Variants in EFR3A observed in about 807,000 individuals in gnomAD.
EFR3A encodes protein EFR3 homolog A.
A neutral mutation model predicts 104.4 loss-of-function variants in EFR3A; 76 were observed. The ratio of observed to expected loss-of-function variants is 0.73; its 90% confidence interval spans 0.60 to 0.88. The LOEUF (loss-of-function observed/expected upper bound fraction) is 0.88. Among genes scored for constraint, EFR3A ranks in the 40% least tolerant of loss-of-function variants. The pLI is 0.00. For missense variants in EFR3A, 985 were observed against 1,012.5 expected (o/e 0.97, Z 0.37); for synonymous variants, 330 against 330.0 (o/e 1.00, Z 0.00).
Position 131,937,006 on chromosome 8 carries a change from C to T in EFR3A, c.11-3493C>T, listed in dbSNP as rs1334000774. On this transcript the variant is annotated intron_variant, in intron 1 of 22. Transcript: ENST00000254624. ...GGTTAGGGGTTGTGGCTGAAAGTCC[C>T]CATCCTCTGGTCATGCCTTGGTCTT... 2.0e-5 allele frequency among the ~76,000 whole-genome samples: 3 copies of T among 152,092 alleles called. 1 individual carries two copies. Among genetic ancestry groups the T allele is most frequent in the East Asian group, 1.9e-4 (1 of 5,172 alleles).
Position 131,970,556 on chromosome 8 carries a change from G to A in EFR3A, c.1072G>A (p.Gly358Arg). ...TGAATTCGAAGCAAATGATTTACAG[G>A]GGGGATCTGTAGGCAGTGTCAACTT... ...SVEFEANDLQGGSVGSVNLNT... is the reference protein window; with the variant it reads ...SVEFEANDLQRGSVGSVNLNT... Residue 358 changes from glycine (G) to arginine (R), a missense_variant, in exon 10 of 23, where the codon GGG becomes AGG. By Grantham distance (125) the Gly-to-Arg change is moderately radical. Coordinates refer to ENST00000254624, the MANE Select transcript of EFR3A (RefSeq NM_015137.6). 6.2e-7 allele frequency: 1 copy of A among 1,613,818 alleles called. No individual in the cohort carries two copies.
At chr8:132,010,034 A>G (rs1410991828) in intron 22 of EFR3A, among the ~76,000 whole-genome samples, 1 of 152,048 alleles carries the variant, frequency 6.6e-6, no homozygotes. Context: ...TGTAAAATGG[A>G]TACTACAAAG....
chr8:131,906,801 A>G (rs761895426), intron 1 of EFR3A, among the ~76,000 whole-genome samples: 1 of 152,226 alleles, frequency 6.6e-6, no homozygotes, highest in Non-Finnish European at 1.5e-5. Flanking sequence ...AGATTTCAAG[A>G]CTATGCTGCT....
chr8:131,939,228 T>C (rs1818048742), intron 1 of EFR3A, among the ~76,000 whole-genome samples: 1 of 152,148 alleles, frequency 6.6e-6, no homozygotes, highest in Admixed American at 6.6e-5. Flanking sequence ...CTATTTTTAC[T>C]GATGGGGAAA....
At chr8:131,996,540 C>A in intron 19 of EFR3A, 43 bp downstream of exon 19, 2 of 1,329,620 alleles carry the variant, frequency 1.5e-6, no homozygotes, top group Non-Finnish European at 2.0e-6. Context: ...TCTTGGTAGA[C>A]ATCATTTAAA....
intron 1 of EFR3A, among the ~76,000 whole-genome samples, chr8:131,909,332 C>T (rs1816400222): frequency 6.6e-6 from 1 of 152,162 alleles, no homozygotes; most frequent in African/African-American, 2.4e-5. Context: ...GAGAGGATCG[C>T]TTTTGGCTGA....
At chr8:131,949,932 A>G in intron 4 of EFR3A, 37 bp from the exon 5 acceptor site, 1 of 1,523,420 alleles carries the variant, frequency 6.6e-7, no homozygotes, top group Admixed American at 2.3e-5. Context: ...ACACTTCTGA[A>G]GAAGGTGAAG....
chr8:131,977,491 T>C (rs1820384638), intron 12 of EFR3A, among the ~76,000 whole-genome samples: 1 of 152,158 alleles, frequency 6.6e-6, no homozygotes, highest in Admixed American at 6.5e-5. Flanking sequence ...TAATTGCTTC[T>C]GATTGGGAAA....
rs370052039 is a variant in EFR3A, at chr8:131,926,295, ACTT to A, written c.11-14200_11-14198del. On this transcript the variant is annotated intron_variant, in intron 1 of 22. Coordinates refer to ENST00000254624, the MANE Select transcript of EFR3A (RefSeq NM_015137.6). ...TTTATTGTCTGTGATTTCAAATTTA[ACTT>A]CTTTGTAAACATCTGTGATGTACTA... is the stretch of plus-strand genomic sequence containing the variant. 1.1e-3 allele frequency among the ~76,000 whole-genome samples: 163 copies of A among 152,236 alleles called. No homozygotes were observed. The Middle Eastern group carries it at 0.014, about 13-fold the overall frequency.
intron 1 of EFR3A, among the ~76,000 whole-genome samples, chr8:131,909,107 C>G (rs1320420529): frequency 6.6e-6 from 1 of 152,154 alleles, no homozygotes; most frequent in African/African-American, 2.4e-5. Flanking sequence ...TATGATTTAC[C>G]TATTAACCAA....
intron 1 of EFR3A, among the ~76,000 whole-genome samples, chr8:131,915,046 A>G (rs1319200202): frequency 5.3e-5 from 8 of 152,158 alleles, no homozygotes; most frequent in Admixed American, 4.6e-4. Context: ...TTCTTCATCC[A>G]GTCTGTCATT....
intron 14 of EFR3A, among the ~76,000 whole-genome samples, chr8:131,982,511 CTGAG>C (rs1432272622): frequency 2.0e-5 from 3 of 151,992 alleles, no homozygotes; most frequent in Non-Finnish European, 4.4e-5. Context: ...AGAGGAATTG[CTGAG>C]TAATAGGTTA....
rs1030275520 is a variant in EFR3A, at chr8:132,010,974, T to A, written c.*79T>A. On this transcript the variant is annotated 3_prime_UTR_variant, in exon 23 of 23. Transcript: ENST00000254624. Reference sequence around the variant, plus strand: ...AGCTGAGCTTTCAGGGTTTACTTAATGTGTATTAACATACTTCTTGAAAAT... The same window carrying A: ...AGCTGAGCTTTCAGGGTTTACTTAAAGTGTATTAACATACTTCTTGAAAAT... The A allele has an allele frequency of 7.2e-5, 105 of 1,459,884 alleles. No individual in the cohort carries two copies. The Middle Eastern group carries it at 1.1e-3, about 15-fold the overall frequency. 90.4% of individuals were successfully genotyped at this position (1,459,884 alleles called of 1,614,324 possible).
At chr8:131,924,187 A>G in intron 1 of EFR3A, 1 of 384,382 alleles carries the variant, frequency 2.6e-6, no homozygotes, top group Non-Finnish European at 5.3e-6. Context: ...ATTTTATGCC[A>G]AAGGAATTAT....
intron 1 of EFR3A, among the ~76,000 whole-genome samples, chr8:131,915,303 G>C (rs1360749785): frequency 1.3e-5 from 2 of 152,114 alleles, no homozygotes; most frequent in Admixed American, 6.5e-5. Context: ...TGCCTCACCT[G>C]TTTTGCTCTC....
rs1326577687 is a variant in EFR3A, at chr8:132,011,845, C to T, written c.*950C>T. 1 of 152,128 alleles carries T rather than the reference C, an allele frequency of 6.6e-6. No homozygotes were observed. The highest frequency in any genetic ancestry group is 1.5e-5 in the Non-Finnish European group (1 of 68,018). The allele number at this position is 152,128 out of a possible 1,614,324, so 9.4% of individuals were successfully genotyped here. A position where few individuals can be genotyped will look rare whatever the true frequency, so the allele number is the denominator to read the frequency against. ...TAAATCCTCATAGTCAAAAAATTCT[C>T]CAGATGGACTTTTAATTTGTAAGAT... is the stretch of plus-strand genomic sequence containing the variant. On this transcript the variant is annotated 3_prime_UTR_variant, in exon 23 of 23. Coordinates refer to ENST00000254624, the MANE Select transcript of EFR3A (RefSeq NM_015137.6).
Position 132,005,375 on chromosome 8 carries a change from C to T in EFR3A, c.2360+2090C>T, listed in dbSNP as rs550824253. ...AGAAACAGAACAACACAATATTATA[C>T]TTCGCTCCCACTGTTCTTTCATTTA... On this transcript the variant is annotated intron_variant, in intron 22 of 22. Transcript: ENST00000254624. Among the ~76,000 whole-genome samples the T allele has an allele frequency of 4.6e-5, 7 of 152,006 alleles. No individual in the cohort carries two copies. The South Asian group carries it at 1.5e-3, about 32-fold the overall frequency.
At chr8:131,977,661 A>G (rs1820394514) in intron 12 of EFR3A, among the ~76,000 whole-genome samples, 1 of 152,168 alleles carries the variant, frequency 6.6e-6, no homozygotes, top group Non-Finnish European at 1.5e-5. Context: ...TCCTCTCAAA[A>G]TCAGTATCTT....
intron 8 of EFR3A, among the ~76,000 whole-genome samples, chr8:131,963,630 T>C (rs1401213172): frequency 6.6e-6 from 1 of 152,230 alleles, no homozygotes; most frequent in Non-Finnish European, 1.5e-5. Flanking sequence ...ACAGCCGATT[T>C]CTACCAGAGG....
Sources: allele counts gnomAD v4.1 joint callset (sites outside exome capture counted in the v4.1 genomes callset), GRCh38; gene constraint gnomAD v4.1.1; transcripts MANE v1.5; gene names NCBI Gene and HGNC (gene_info 2026-07-23, HGNC 2026-07-21).